CFAP54: variants seen among roughly 807,000 people sequenced by gnomAD.
CFAP54 encodes cilia- and flagella-associated protein 54.
In CFAP54, 290 loss-of-function variants were observed where a neutral mutation model predicts 370.4. The ratio of observed to expected loss-of-function variants is 0.78; its 90% CI spans 0.71 to 0.86. CFAP54 has a LOEUF of 0.86. Ranked by LOEUF, CFAP54 falls within the 40% of genes least tolerant of loss-of-function variation. The pLI is 0.00. For synonymous variants in CFAP54, 1,206 were observed against 1,236.5 expected, an observed-to-expected ratio of 0.98 and a Z score of 0.52; for missense variants, 3,399 against 3,528.7, an observed-to-expected ratio of 0.96 and a Z score of 0.93.
At chr12:96,684,600 A>AT in intron 40 of CFAP54, 48 bp from the exon 41 acceptor site, 3 of 1,491,070 alleles carry the variant, frequency 2.0e-6, no homozygotes, top group Non-Finnish European at 2.8e-6. Context: ...ATAAAAAAAT[A>AT]TTTTTCTAGG....
chr12:96,822,098 G>A (rs1156625213), intron 65 of CFAP54, among the ~76,000 whole-genome samples: 2 of 152,140 alleles, frequency 1.3e-5, no homozygotes, highest in Non-Finnish European at 2.9e-5. Context: ...CTACAGAACA[G>A]GTGTTCCAAT....
chr12:96,772,463 T>C (rs1958472464), intron 60 of CFAP54, among the ~76,000 whole-genome samples: 1 of 152,142 alleles, frequency 6.6e-6, no homozygotes, highest in South Asian at 2.1e-4. Context: ...TCCAAATCTC[T>C]CTGACCCGAA....
At chr12:96,597,789 C>A (rs963641796) in intron 25 of CFAP54, among the ~76,000 whole-genome samples, 1 of 151,798 alleles carries the variant, frequency 6.6e-6, no homozygotes, top group African/African-American at 2.4e-5. Context: ...AAAACAACAA[C>A]CCTCCTAGGT....
chr12:96,628,999 T>G (rs541260694), intron 30 of CFAP54, among the ~76,000 whole-genome samples: 12 of 152,122 alleles, frequency 7.9e-5, no homozygotes, highest in Admixed American at 2.0e-4. Context: ...GATGATAGTA[T>G]TGGTAAAAGG....
intron 28 of CFAP54, 84 bp downstream of exon 28, chr12:96,623,965 G>A (rs1956526709): frequency 1.1e-6 from 1 of 875,860 alleles, no homozygotes; most frequent in African/African-American, 1.7e-5. Context: ...ATTAAGATGA[G>A]ATTAGCATTT....
intron 49 of CFAP54, 116 bp downstream of exon 49, chr12:96,718,638 T>C (rs967376089): frequency 1.6e-6 from 1 of 620,164 alleles, no homozygotes; most frequent in Non-Finnish European, 2.8e-6. Flanking sequence ...TTACCTTTTC[T>C]TGTGTAAGAA....
chr12:96,817,809 G>C lies in CFAP54; in HGVS notation c.8992G>C (p.Ala2998Pro), dbSNP rs1164720044. The change falls in exon 65 of 68, where the codon GCT becomes CCT. Residue 2998 changes from alanine to proline, a missense_variant. By Grantham distance (27) the Ala-to-Pro change is conservative (BLOSUM62 -1). This residue lies in a region of CFAP54 where 2,796 missense variants were observed against 2,869.7 expected (regional missense o/e 0.97). Transcript: ENST00000524981. ...IAIHEKLSNL[A>P]QIAELSLPAA... ...AATTCATGAGAAATTATCTAATCTTGCTCAAATAGCTGAACTATCATTGCC... is the reference window on the plus strand; with the variant it reads ...AATTCATGAGAAATTATCTAATCTTCCTCAAATAGCTGAACTATCATTGCC... 6.7e-7 allele frequency: 1 copy of C among 1,502,528 alleles called. No homozygotes were observed. Among genetic ancestry groups the C allele is most frequent in the African/African-American group, 1.4e-5 (1 of 71,880 alleles). 93.1% of individuals were successfully genotyped at this position (1,502,528 alleles called of 1,614,324 possible). A position where few individuals can be genotyped will look rare whatever the true frequency, so the allele number is the denominator to read the frequency against.
At position 96,720,492 on chromosome 12, in the gene CFAP54, G is replaced by T. The variant is rs750490460; in HGVS notation, c.6892G>T (p.Glu2298Ter). The change falls in exon 50 of 68, where the codon GAG (glutamate) becomes TAG (stop). Residue 2298 changes from glutamate to a stop codon, truncating the protein, a stop_gained. Coordinates refer to ENST00000524981, the MANE Select transcript of CFAP54 (RefSeq NM_001306084.2). LOFTEE classifies it high-confidence loss of function. ...QKTLSQCSAG[E>*]LEIVVEARLQ... is the part of the protein sequence containing the mutation. ...GACCCTGTCTCAGTGCTCCGCTGGC[G>T]AGCTGGAGATTGTGGTGGAGGCCCG... The T allele has an allele frequency of 2.5e-6, 4 of 1,603,330 alleles. No individual in the cohort carries two copies. Among genetic ancestry groups the T allele is most frequent in the South Asian group, 1.1e-5 (1 of 89,510 alleles).
chr12:96,626,727 A>G (rs1240401863), intron 29 of CFAP54, 86 bp from the exon 30 acceptor site: 1 of 719,592 alleles, frequency 1.4e-6, no homozygotes, highest in South Asian at 5.8e-5. Context: ...GCCTGTTGGA[A>G]CAAAATGACT....
intron 61 of CFAP54, 29 bp from the exon 62 acceptor site, chr12:96,786,646 C>G: frequency 6.9e-7 from 1 of 1,450,862 alleles, no homozygotes; most frequent in Non-Finnish European, 9.3e-7. Context: ...CTAATATGAA[C>G]CTAAACTAAG....
intron 22 of CFAP54, 46 bp downstream of exon 22, chr12:96,581,151 A>T: frequency 7.8e-7 from 1 of 1,278,856 alleles, no homozygotes; most frequent in Non-Finnish European, 1.0e-6. Flanking sequence ...TTTTTTTTCC[A>T]TTAAGCAGTT....
chr12:96,688,845 T>C (rs1957356699), intron 42 of CFAP54, 71 bp from the exon 43 acceptor site: 1 of 805,508 alleles, frequency 1.2e-6, no homozygotes. Flanking sequence ...GATATATATG[T>C]AAAGACATTT....
intron 5 of CFAP54, among the ~76,000 whole-genome samples, chr12:96,515,880 C>G (rs1955225244): frequency 6.6e-6 from 1 of 151,026 alleles, no homozygotes; most frequent in South Asian, 2.1e-4. Context: ...TTCACACCAC[C>G]ACTTTGAGAA....
At chr12:96,659,151 G>A (rs182379114) in intron 38 of CFAP54, among the ~76,000 whole-genome samples, 1 of 152,310 alleles carries the variant, frequency 6.6e-6, no homozygotes, top group Non-Finnish European at 1.5e-5. Context: ...TCTACACAAT[G>A]TACCTGGAGA....
At chr12:96,597,985 T>G (rs1956196449) in intron 25 of CFAP54, among the ~76,000 whole-genome samples, 3 of 151,870 alleles carry the variant, frequency 2.0e-5, no homozygotes, top group Non-Finnish European at 4.4e-5. Flanking sequence ...ACAGTATTGT[T>G]AGAATGAGAG....
intron 55 of CFAP54, among the ~76,000 whole-genome samples, chr12:96,748,064 C>G (rs1958138074): frequency 6.6e-6 from 1 of 152,232 alleles, no homozygotes. Flanking sequence ...TCCAACTTTC[C>G]TCTCACCAAG....
At chr12:96,783,249 G>C (rs1958597332) in intron 60 of CFAP54, among the ~76,000 whole-genome samples, 1 of 152,178 alleles carries the variant, frequency 6.6e-6, no homozygotes, top group Non-Finnish European at 1.5e-5. Context: ...CAGGCAGCGA[G>C]AGTGAAATGG....
At chr12:96,773,221 A>C (rs1264000497) in intron 60 of CFAP54, among the ~76,000 whole-genome samples, 1 of 146,942 alleles carries the variant, frequency 6.8e-6, no homozygotes, top group Admixed American at 6.7e-5. Context: ...ACCAAGGCAC[A>C]GCTTTTGTTT....
intron 65 of CFAP54, among the ~76,000 whole-genome samples, chr12:96,826,670 A>G (rs1430070985): frequency 9.4e-6 from 1 of 106,416 alleles, no homozygotes; most frequent in African/African-American, 3.8e-5. Context: ...ATATATAAAT[A>G]TATAATATAT....
Sources: allele counts gnomAD v4.1 joint callset (sites outside exome capture counted in the v4.1 genomes callset), GRCh38; gene constraint gnomAD v4.1.1; regional missense constraint gnomAD v4.1.1; transcripts MANE v1.5; gene names NCBI Gene and HGNC (gene_info 2026-07-23, HGNC 2026-07-21).